The following FBXL20 variants were observed in gnomAD, a reference collection of about 807,000 sequenced individuals.
FBXL20 encodes F-box/LRR-repeat protein 20.
A neutral mutation model predicts 64.0 loss-of-function variants in FBXL20; 11 were observed. The observed-to-expected ratio is 0.17, with a 90% CI of 0.11 to 0.28. The LOEUF is 0.28. Ranked by LOEUF, FBXL20 falls within the 10% of genes least tolerant of loss-of-function variation. The pLI is 1.00. For missense variants in FBXL20, 303 were observed against 526.2 expected (o/e 0.58, Z 4.15); for synonymous variants, 184 against 189.0 (o/e 0.97, Z 0.22).
rs546996754 is a variant in FBXL20, at chr17:39,275,982, CA to C, written c.697-883del. 2.6e-5 allele frequency among the ~76,000 whole-genome samples: 4 copies of C among 151,880 alleles called. No individual in the cohort carries two copies. In the South Asian group the frequency reaches 8.3e-4, roughly 32 times the overall value. ...AGTTATTAGACTGGGTGGAGTGGCT[CA>C]CACATGTAATCCAAGCACTTTGGGA... On this transcript the variant is annotated intron_variant, in intron 9 of 14. Coordinates refer to ENST00000264658, the MANE Select transcript of FBXL20 (RefSeq NM_032875.3).
At chr17:39,265,322 G>C in intron 13 of FBXL20, 75 bp downstream of exon 13, 1 of 1,156,756 alleles carries the variant, frequency 8.6e-7, no homozygotes, top group Non-Finnish European at 1.3e-6. Context: ...GACACTAAGA[G>C]CTGGGTTCTT....
chr17:39,308,606 C>A (rs2047204662), intron 2 of FBXL20, among the ~76,000 whole-genome samples: 1 of 151,194 alleles, frequency 6.6e-6, no homozygotes. Context: ...GCTCTGTCAC[C>A]CAGGCTGGAG....
rs754648180 is a variant in FBXL20, at chr17:39,285,489, T to G, written c.483A>C (p.Leu161=). 20 of 1,593,138 alleles carry G rather than the reference T, an allele frequency of 1.3e-5. No individual in the cohort carries two copies. In the African/African-American group the frequency reaches 1.3e-4, roughly 11 times the overall value. ...TATAAGAAATTTACCTCAGAGCTTT[T>G]AGAGACATGTTTGTTATTGATGTAC... ...ASCTSITNMS[L]KALSEGCPLL... The change falls in exon 7 of 15, where the codon CTA becomes CTC. Residue 161 remains leucine, a synonymous_variant. Coordinates refer to ENST00000264658, the MANE Select transcript of FBXL20 (RefSeq NM_032875.3).
intron 6 of FBXL20, among the ~76,000 whole-genome samples, chr17:39,295,055 A>G (rs752734085): frequency 2.0e-5 from 3 of 152,242 alleles, no homozygotes; most frequent in Non-Finnish European, 1.5e-5. Context: ...TATGATGTCT[A>G]GGACTTTTTT....
Position 39,253,365 on chromosome 17 carries a change from C to T in FBXL20, c.*8095G>A, listed in dbSNP as rs1217811792. On this transcript the variant is annotated 3_prime_UTR_variant, in exon 15 of 15. Transcript: ENST00000264658. The stretch of plus-strand genomic sequence containing the variant: ...ATGGTAGGTTACCTGGAAACAATTC[C>T]TAGGAGAAAAAAGGAGGAGGCCAGA... 1 of 152,252 alleles carries T rather than the reference C, an allele frequency of 6.6e-6. No individual in the cohort carries two copies. The highest frequency in any genetic ancestry group is 1.5e-5 in the Non-Finnish European group (1 of 68,032). 9.4% of individuals were successfully genotyped at this position (152,252 alleles called of 1,614,324 possible). A position where few individuals can be genotyped will look rare whatever the true frequency, so the allele number is the denominator to read the frequency against.
chr17:39,339,549 A>AT (rs1437213937), intron 2 of FBXL20, among the ~76,000 whole-genome samples: 1 of 152,222 alleles, frequency 6.6e-6, no homozygotes, highest in Admixed American at 6.5e-5. Flanking sequence ...GCAAGGAGGC[A>AT]TAACAATTCA....
chr17:39,352,380 T>TA (rs896431227), intron 1 of FBXL20, among the ~76,000 whole-genome samples: 13 of 150,422 alleles, frequency 8.6e-5, no homozygotes, highest in Non-Finnish European at 1.6e-4. Flanking sequence ...ATAAATACAT[T>TA]AAAAAAAATA....
intron 2 of FBXL20, among the ~76,000 whole-genome samples, chr17:39,330,310 T>C (rs556458658): frequency 2.1e-5 from 3 of 145,420 alleles, no homozygotes; most frequent in Admixed American, 6.9e-5. Context: ...AAATAAAAAA[T>C]AAAAATAAAA....
intron 6 of FBXL20, among the ~76,000 whole-genome samples, chr17:39,292,583 T>C (rs534732046): frequency 1.3e-5 from 2 of 151,948 alleles, no homozygotes; most frequent in South Asian, 2.1e-4. Context: ...TTAAACTCCT[T>C]ATTGTTCAGT....
intron 1 of FBXL20, among the ~76,000 whole-genome samples, chr17:39,379,940 T>C (rs1051190689): frequency 6.6e-6 from 1 of 152,108 alleles, no homozygotes; most frequent in African/African-American, 2.4e-5. Context: ...GATCGCATCA[T>C]GGCACTCCAG....
intron 2 of FBXL20, among the ~76,000 whole-genome samples, chr17:39,337,372 A>G (rs992763673): frequency 6.6e-6 from 1 of 152,108 alleles, no homozygotes; most frequent in Non-Finnish European, 1.5e-5. Flanking sequence ...TTGGCTTCCC[A>G]AAGTGCCGAG....
intron 6 of FBXL20, among the ~76,000 whole-genome samples, chr17:39,286,279 A>G (rs575302495): frequency 6.6e-6 from 1 of 152,224 alleles, no homozygotes; most frequent in South Asian, 2.1e-4. Flanking sequence ...CAGTGTTGCA[A>G]TCTAGGCCCA....
intron 9 of FBXL20, among the ~76,000 whole-genome samples, chr17:39,277,459 A>T (rs1181724830): frequency 6.6e-6 from 1 of 152,156 alleles, no homozygotes. Flanking sequence ...TACTGTCAGT[A>T]CTTTAAAAAA....
intron 2 of FBXL20, among the ~76,000 whole-genome samples, chr17:39,316,885 A>C (rs931385674): frequency 1.3e-5 from 2 of 152,234 alleles, no homozygotes; most frequent in Non-Finnish European, 2.9e-5. Flanking sequence ...GCTACGCAGG[A>C]GGCTGAGGAA....
At chr17:39,290,227 C>T (rs1246397312) in intron 6 of FBXL20, among the ~76,000 whole-genome samples, 1 of 151,466 alleles carries the variant, frequency 6.6e-6, no homozygotes, top group Admixed American at 6.6e-5. Context: ...TTGCTGATTG[C>T]TAGTATACAG....
chr17:39,350,518 C>CAAA (rs5820287), intron 1 of FBXL20, among the ~76,000 whole-genome samples: 7 of 101,760 alleles, frequency 6.9e-5, no homozygotes, highest in East Asian at 2.5e-4. Context: ...AAAAAAGAAG[C>CAAA]AAAAAAAAAA....
chr17:39,363,078 C>T (rs1216851028), intron 1 of FBXL20, among the ~76,000 whole-genome samples: 1 of 151,758 alleles, frequency 6.6e-6, no homozygotes, highest in African/African-American at 2.4e-5. Context: ...CTCAGCTCAT[C>T]ACAACCTCCG....
chr17:39,303,737 A>C (rs1246660726), intron 2 of FBXL20, 98 bp from the exon 3 acceptor site: 1 of 1,083,780 alleles, frequency 9.2e-7, no homozygotes, highest in African/African-American at 1.6e-5. Flanking sequence ...GCCAAGCTGG[A>C]GAGCAGTGGC....
chr17:39,261,662 C>CTTTTA, intron 14 of FBXL20, 95 bp from the exon 15 acceptor site: 1 of 905,468 alleles, frequency 1.1e-6, no homozygotes, highest in Non-Finnish European at 1.7e-6. Context: ...GCTCAATGAA[C>CTTTTA]ATAAAAGCAG....
Sources: gnomAD v4.1 joint callset for allele counts (sites outside exome capture counted in the v4.1 genomes callset) on GRCh38, gnomAD v4.1.1 for gene constraint, MANE v1.5 for transcripts, NCBI Gene and HGNC (gene_info 2026-07-23, HGNC 2026-07-21) for gene names.